The following STK32C variants were observed in gnomAD, a reference collection of about 807,000 sequenced individuals.
STK32C encodes the protein serine/threonine-protein kinase 32C.
STK32C carries 31 observed loss-of-function variants against 56.5 expected under a neutral mutation model. The observed-to-expected ratio is 0.55, with a 90% confidence interval of 0.41 to 0.74. STK32C has a LOEUF of 0.74. Among genes scored for constraint, STK32C ranks in the 30% least tolerant of loss-of-function variants. STK32C has a pLI of 0.00. For synonymous variants in STK32C, 309 were observed against 289.4 expected (o/e 1.07, Z -0.69); for missense variants, 544 against 676.9 (o/e 0.80, Z 2.18).
In STK32C at chr10:132,297,257, G is replaced by A. The variant is rs754397618; in HGVS notation, c.262+10315C>T. ...CAGGACATGCCCCAGCCCCTCCTCC[G>A]TGGCCATCCCCAGCGTGTCCAGGGC... On this transcript the variant is annotated intron_variant, in intron 1 of 11. Transcript: ENST00000298630. Among the ~76,000 whole-genome samples, 88 of 152,176 alleles carry A rather than the reference G, an allele frequency of 5.8e-4. 1 individual carries two copies. The highest frequency in any genetic ancestry group is 1.1e-3 in the Admixed American group (17 of 15,274).
At chr10:132,276,427 G>A (rs1356501052) in intron 1 of STK32C, among the ~76,000 whole-genome samples, 6 of 152,110 alleles carry the variant, frequency 3.9e-5, no homozygotes, top group African/African-American at 1.4e-4. Flanking sequence ...GTGCACCTGT[G>A]AATGCCAAGA....
At chr10:132,301,333 G>A (rs1311215280) in intron 1 of STK32C, among the ~76,000 whole-genome samples, 2 of 152,228 alleles carry the variant, frequency 1.3e-5, no homozygotes, top group African/African-American at 4.8e-5. Context: ...AAGAGACAGG[G>A]TCAGGGCCAC....
At chr10:132,248,060 T>C (rs2063752010) in intron 1 of STK32C, among the ~76,000 whole-genome samples, 1 of 137,936 alleles carries the variant, frequency 7.2e-6, no homozygotes, top group Non-Finnish European at 1.5e-5. Context: ...CCTAGCCTCC[T>C]TCCTCAAGAA....
At chr10:132,270,717 A>G (rs529865610) in intron 1 of STK32C, among the ~76,000 whole-genome samples, 1 of 152,284 alleles carries the variant, frequency 6.6e-6, no homozygotes, top group Non-Finnish European at 1.5e-5. Context: ...TGCGTCTGTA[A>G]CCAGCAGAGA....
chr10:132,265,839 G>A (rs1590323331), intron 1 of STK32C, among the ~76,000 whole-genome samples: 1 of 152,180 alleles, frequency 6.6e-6, no homozygotes, highest in Non-Finnish European at 1.5e-5. Context: ...GGACAGCCAG[G>A]GAGAGGGACA....
intron 1 of STK32C, among the ~76,000 whole-genome samples, chr10:132,300,870 G>A (rs1046946077): frequency 6.6e-5 from 10 of 152,224 alleles, no homozygotes; most frequent in Admixed American, 6.5e-4. Flanking sequence ...GTCAGCAGCA[G>A]CAGGAGAAAT....
At chr10:132,270,330 G>A (rs1266142384) in intron 1 of STK32C, among the ~76,000 whole-genome samples, 2 of 152,268 alleles carry the variant, frequency 1.3e-5, no homozygotes, top group African/African-American at 2.4e-5. Context: ...CATCCTTGCA[G>A]GGAGACACTG....
At chr10:132,253,214 G>A (rs938225000) in intron 1 of STK32C, among the ~76,000 whole-genome samples, 3 of 152,208 alleles carry the variant, frequency 2.0e-5, no homozygotes, top group East Asian at 3.8e-4. Context: ...GCACTCCAAC[G>A]CAATTGTTTC....
chr10:132,209,904 T>C (rs866297821), intron 10 of STK32C, among the ~76,000 whole-genome samples: 4 of 152,226 alleles, frequency 2.6e-5, no homozygotes, highest in African/African-American at 9.6e-5. Context: ...GGATGCCCAC[T>C]TGTGAGGACC....
intron 10 of STK32C, among the ~76,000 whole-genome samples, chr10:132,211,841 G>A (rs1209580753): frequency 6.6e-6 from 1 of 152,104 alleles, no homozygotes. Context: ...CTCCCCACAG[G>A]ATTTCCAGAT....
intron 10 of STK32C, 195 bp from the exon 11 acceptor site, chr10:132,209,296 C>T: frequency 1.4e-6 from 1 of 709,462 alleles, no homozygotes; most frequent in Non-Finnish European, 2.6e-6. Flanking sequence ...GTGACTCACC[C>T]AAGCCCGAGG....
At chr10:132,302,075 G>C (rs1323606335) in intron 1 of STK32C, among the ~76,000 whole-genome samples, 1 of 152,342 alleles carries the variant, frequency 6.6e-6, no homozygotes, top group African/African-American at 2.4e-5. Context: ...TGGGTGACTG[G>C]GGGTCCGGGA....
At chr10:132,247,129 C>G (rs988253498) in intron 1 of STK32C, among the ~76,000 whole-genome samples, 2 of 152,220 alleles carry the variant, frequency 1.3e-5, no homozygotes, top group African/African-American at 4.8e-5. Flanking sequence ...CCCGGGGAGA[C>G]AGCAGGGTAG....
intron 1 of STK32C, among the ~76,000 whole-genome samples, chr10:132,300,504 C>A (rs539283205): frequency 1.9e-4 from 29 of 152,324 alleles, no homozygotes; most frequent in Admixed American, 3.9e-4. Flanking sequence ...TCTGCAGCAG[C>A]CTTGATTTTT....
intron 1 of STK32C, among the ~76,000 whole-genome samples, chr10:132,281,144 A>T (rs1347772559): frequency 6.6e-6 from 1 of 151,884 alleles, no homozygotes; most frequent in Non-Finnish European, 1.5e-5. Context: ...ACAGAGCAAG[A>T]CCTATCTTTA....
chr10:132,331,699 GC>G lies in STK32C; in HGVS notation c.37del (p.Ala13ArgfsTer16). The G allele has an allele frequency of 6.2e-7, 1 of 1,612,624 alleles. No individual in the cohort carries two copies. The highest frequency in any genetic ancestry group is 8.5e-7 in the Non-Finnish European group (1 of 1,179,844). On this transcript the variant is annotated frameshift_variant, in exon 1 of 2. Coordinates refer to the STK32C transcript ENST00000368619. LOFTEE classifies it high-confidence loss of function. ...CGGCTGTCCTCGAGCAGCCCCGCCC[GC>G]CCCGGGCCCTCCGGCTCCCCAGACG...
intron 1 of STK32C, among the ~76,000 whole-genome samples, chr10:132,280,865 GCCGTGACCACGCCCCTGCACT>G (rs1204026464): frequency 1.8e-4 from 19 of 106,124 alleles, no homozygotes; most frequent in Non-Finnish European, 2.5e-4. Flanking sequence ...AGGCCTCCAT[GCCGTGACCACGCCCCTGCACT>G]CCGTGACCAC....
chr10:132,256,858 C>T (rs2064142189), intron 1 of STK32C, among the ~76,000 whole-genome samples: 1 of 152,222 alleles, frequency 6.6e-6, no homozygotes, highest in South Asian at 2.1e-4. Context: ...GCAATGGAGA[C>T]AGCCCTGACT....
At chr10:132,308,540 G>C (rs1311234555), upstream of STK32C, among the ~76,000 whole-genome samples, 1 of 151,610 alleles carries the variant, frequency 6.6e-6, no homozygotes, top group Non-Finnish European at 1.5e-5. Context: ...GTCAGGAGGC[G>C]GCAGGCTGAG....
Sources: allele counts gnomAD v4.1 joint callset (sites outside exome capture counted in the v4.1 genomes callset), GRCh38; gene constraint gnomAD v4.1.1; transcripts MANE v1.5; gene names NCBI Gene and HGNC (gene_info 2026-07-23, HGNC 2026-07-21).